BIN1: variants seen among roughly 807,000 people sequenced by gnomAD.
The protein encoded by BIN1 is myc box-dependent-interacting protein 1.
In BIN1, 53 loss-of-function variants were observed where a neutral mutation model predicts 82.0. The observed-to-expected ratio is 0.65, with a 90% confidence interval of 0.52 to 0.81. BIN1 has a LOEUF of 0.81. Among genes scored for constraint, BIN1 ranks in the 40% least tolerant of loss-of-function variants. The probability of loss-of-function intolerance (pLI) is 0.00; values close to 1 mark genes in which losing one functional copy is unlikely to be tolerated. For synonymous variants in BIN1, 302 were observed against 328.0 expected (o/e 0.92, Z 0.86); for missense variants, 642 against 784.4 (o/e 0.82, Z 2.17).
Position 127,062,201 on chromosome 2 carries a change from C to T in BIN1, c.775-4G>A, listed in dbSNP as rs61748157. The T allele has an allele frequency of 0.12, 198,563 of 1,600,218 alleles. 13,473 individuals carry two copies. The highest frequency in any genetic ancestry group is 0.2 in the South Asian group (17,831 of 88,824). ...CATCATTGAGGTTCTGGTTGAGCTG[C>T]AGGAGAGACAGTGAGGAGGTGGGGG... is the stretch of plus-strand genomic sequence containing the variant. On this transcript the variant is annotated splice_polypyrimidine_tract_variant and splice_region_variant and intron_variant, in intron 9 of 18. Coordinates refer to ENST00000316724, the MANE Select transcript of BIN1 (RefSeq NM_139343.3).
intron 14 of BIN1, chr2:127,052,731 C>T (rs1053444379): frequency 3.2e-6 from 1 of 316,466 alleles, no homozygotes; most frequent in Non-Finnish European, 6.0e-6. Flanking sequence ...GGCGCCTGCA[C>T]ACCCGCCTGC....
chr2:127,048,564 C>G lies in BIN1; in HGVS notation c.1744G>C (p.Gly582Arg). The change falls in exon 19 of 19, where the codon GGC (glycine) becomes CGC (arginine). Residue 582 changes from glycine to arginine, a missense_variant. Coordinates refer to ENST00000316724, the MANE Select transcript of BIN1 (RefSeq NM_139343.3). ...TCAGTGAAGTTCTCGGGGAAGACGC[C>G]ACGGCACTTCTCCAGCTCCTTGTGC... The part of the protein sequence containing the change: ...NQHKELEKCR[G>R]VFPENFTERV... 6.2e-7 allele frequency: 1 copy of G among 1,613,744 alleles called. No homozygotes were observed. The highest frequency in any genetic ancestry group is 8.5e-7 in the Non-Finnish European group (1 of 1,179,984).
rs1678624480 is a variant in BIN1 at position 127,089,487 on chromosome 2, AG to A, written c.85-12782del. Among the ~76,000 whole-genome samples, 4 of 152,254 alleles carry A rather than the reference AG, an allele frequency of 2.6e-5. No individual in the cohort carries two copies. In the South Asian group the frequency reaches 8.3e-4, roughly 32 times the overall value. On this transcript the variant is annotated intron_variant, in intron 1 of 18. Coordinates refer to ENST00000316724, the MANE Select transcript of BIN1 (RefSeq NM_139343.3). Reference sequence around the variant, plus strand: ...AGAGGGAAGGGGTGGTCATCACCTGAGATGGGGACACGTGTTGGGGTAACAG... The same window carrying A: ...AGAGGGAAGGGGTGGTCATCACCTGAATGGGGACACGTGTTGGGGTAACAG...
At position 127,057,672 on chromosome 2, in the gene BIN1, C is replaced by CA; in HGVS notation, c.1003-72dup. 6.9e-7 allele frequency: 1 copy of CA among 1,439,794 alleles called. No homozygotes were observed. The highest frequency in any genetic ancestry group is 1.5e-5 in the South Asian group (1 of 67,198). 89.2% of individuals were successfully genotyped at this position (1,439,794 alleles called of 1,614,324 possible). On this transcript the variant is annotated intron_variant, in intron 11 of 18. Transcript: ENST00000316724. The surrounding 1 kb of genome is among the most constrained non-coding windows in gnomAD (Gnocchi z 5.0). The stretch of plus-strand genomic sequence containing the variant: ...GAGCACGGGGTTTGGGGGAGACAGA[C>CA]AGAGACAAAGCCACGGTTAGTCACA...
At chr2:127,076,558 C>T (rs1558847090) in intron 2 of BIN1, 68 bp downstream of exon 2, 7 of 1,554,580 alleles carry the variant, frequency 4.5e-6, no homozygotes, top group South Asian at 1.1e-5. Context: ...AAATTCAGCT[C>T]GTGCCATTTT....
chr2:127,092,661 G>C (rs989692189), intron 1 of BIN1, among the ~76,000 whole-genome samples: 3 of 152,214 alleles, frequency 2.0e-5, no homozygotes, highest in Admixed American at 2.0e-4. Flanking sequence ...CAGCCTTCCA[G>C]AGGATCCACC....
chr2:127,072,178 T>C (rs1685972812), intron 2 of BIN1, among the ~76,000 whole-genome samples: 2 of 152,156 alleles, frequency 1.3e-5, no homozygotes, highest in Non-Finnish European at 2.9e-5. Flanking sequence ...GTGGGCCCCA[T>C]CCATTCAGGT....
At chr2:127,069,060 G>A (rs372851930) in intron 5 of BIN1, 29 bp from the exon 6 acceptor site, 29 of 1,603,718 alleles carry the variant, frequency 1.8e-5, no homozygotes, top group Admixed American at 3.3e-5. Flanking sequence ...GGCACTAAGC[G>A]GGGCCTGGCA....
At chr2:127,101,023 T>G (rs1680283679) in intron 1 of BIN1, among the ~76,000 whole-genome samples, 1 of 131,324 alleles carries the variant, frequency 7.6e-6, no homozygotes, top group Non-Finnish European at 1.6e-5. Context: ...AGACTCAAAC[T>G]CAGCTGTCTA....
At chr2:127,076,262 C>T (rs901352531) in intron 2 of BIN1, among the ~76,000 whole-genome samples, 13 of 152,068 alleles carry the variant, frequency 8.5e-5, no homozygotes, top group African/African-American at 1.9e-4. Flanking sequence ...CCATGCTAAC[C>T]GCTGCAGATG....
intron 1 of BIN1, among the ~76,000 whole-genome samples, chr2:127,084,123 T>C (rs1677820158): frequency 6.6e-6 from 1 of 152,178 alleles, no homozygotes; most frequent in Admixed American, 6.5e-5. Context: ...TGCATGACAG[T>C]CTTCCAAGAG....
At chr2:127,052,168 C>T in intron 15 of BIN1, 87 bp downstream of exon 15, 18 of 1,383,414 alleles carry the variant, frequency 1.3e-5, no homozygotes, top group Non-Finnish European at 1.8e-5. Flanking sequence ...CTGGTCCCTC[C>T]TGCAACCCCT....
Position 127,059,044 on chromosome 2 carries a change from C to T in BIN1, c.969G>A (p.Thr323=), listed in dbSNP as rs760031440. The T allele has an allele frequency of 6.4e-7, 1 of 1,566,720 alleles. No individual in the cohort carries two copies. The highest frequency in any genetic ancestry group is 1.4e-5 in the African/African-American group (1 of 73,884). ...NHEPEPAGGA[T]PGATLPKSPS... The stretch of plus-strand genomic sequence containing the variant: ...GGGACTTGGGGAGGGTGGCCCCGGG[C>T]GTGGCCCCGCCGGCCGGCTCTGGCT... The change falls in exon 11 of 19, where the codon ACG becomes ACA. Residue 323 remains threonine, a synonymous_variant. Coordinates refer to ENST00000316724, the MANE Select transcript of BIN1 (RefSeq NM_139343.3). This position sits in a 1 kb window ranked among gnomAD's most constrained non-coding sequence, Gnocchi z 6.7.
intron 15 of BIN1, 126 bp from the exon 16 acceptor site, chr2:127,051,369 T>C: frequency 1.1e-6 from 1 of 937,318 alleles, no homozygotes; most frequent in African/African-American, 1.6e-5. Context: ...GGCAGCAGGG[T>C]CTAGAGCTGC....
At chr2:127,096,081 G>A (rs577432555) in intron 1 of BIN1, among the ~76,000 whole-genome samples, 1 of 152,138 alleles carries the variant, frequency 6.6e-6, no homozygotes, top group Non-Finnish European at 1.5e-5. Flanking sequence ...ATGAATAAAT[G>A]ATGCCAGACC....
intron 12 of BIN1, among the ~76,000 whole-genome samples, chr2:127,056,852 C>T (rs1355092580): frequency 6.6e-6 from 1 of 152,244 alleles, no homozygotes; most frequent in Non-Finnish European, 1.5e-5. Context: ...GCCAGGCTCC[C>T]CAGAGGCACC....
chr2:127,051,103 GCA>G (rs1682883759), intron 16 of BIN1, 49 bp downstream of exon 16: 1 of 1,604,656 alleles, frequency 6.2e-7, no homozygotes, highest in African/African-American at 1.3e-5. Context: ...CCCCGGACAG[GCA>G]GGCGGGCGGC....
chr2:127,097,447 C>A (rs918906698), intron 1 of BIN1, among the ~76,000 whole-genome samples: 4 of 152,082 alleles, frequency 2.6e-5, no homozygotes, highest in Non-Finnish European at 5.9e-5. Context: ...CCTGGTGTCA[C>A]CCTGGGCTGT....
chr2:127,062,233 A>C, intron 9 of BIN1, 36 bp from the exon 10 acceptor site: 1 of 1,566,666 alleles, frequency 6.4e-7, no homozygotes, highest in Non-Finnish European at 8.7e-7. Context: ...GGGGGCCTCC[A>C]AGGCCACCAA....
Sources: allele counts gnomAD v4.1 joint callset (sites outside exome capture counted in the v4.1 genomes callset), GRCh38; gene constraint gnomAD v4.1.1; non-coding constraint Gnocchi (gnomAD v3.1); transcripts MANE v1.5; gene names NCBI Gene and HGNC (gene_info 2026-07-23, HGNC 2026-07-21).